NRG1: variants seen among roughly 807,000 people sequenced by gnomAD.
The protein encoded by NRG1 is neuregulin 1.
In NRG1, 18 loss-of-function variants were observed where a neutral mutation model predicts 63.8. The observed-to-expected ratio is 0.28, with a 90% CI of 0.19 to 0.42. The LOEUF is 0.42. Ranked by LOEUF, NRG1 falls within the 10% of genes least tolerant of loss-of-function variation. NRG1 has a pLI of 1.00. For synonymous variants in NRG1, 302 were observed against 301.3 expected (o/e 1.00, Z -0.02); for missense variants, 762 against 814.7 (o/e 0.94, Z 0.79).
At chr8:31,967,118 G>A (rs1266953623) in intron 1 of NRG1, among the ~76,000 whole-genome samples, 1 of 152,110 alleles carries the variant, frequency 6.6e-6, no homozygotes, top group East Asian at 1.9e-4. Flanking sequence ...CCAGGCTGTG[G>A]ATGGCCTTCA....
At chr8:32,191,186 G>A (rs1309668744) in intron 1 of NRG1, among the ~76,000 whole-genome samples, 1 of 151,880 alleles carries the variant, frequency 6.6e-6, no homozygotes, top group Non-Finnish European at 1.5e-5. Context: ...ATGGATTCAA[G>A]AGATTCTTCT....
intron 1 of NRG1, among the ~76,000 whole-genome samples, chr8:31,994,669 A>AAAAT: frequency 6.7e-6 from 1 of 150,372 alleles, no homozygotes; most frequent in Non-Finnish European, 1.5e-5. Context: ...AAAAAAAAAA[A>AAAAT]AAAAAAAAAG....
intron 1 of NRG1, among the ~76,000 whole-genome samples, chr8:31,793,258 A>G (rs1294631852): frequency 6.6e-6 from 1 of 152,206 alleles, no homozygotes; most frequent in Non-Finnish European, 1.5e-5. Context: ...TAGCAGAGTC[A>G]CTTTCATGGA....
intron 1 of NRG1, among the ~76,000 whole-genome samples, chr8:32,422,044 AT>A (rs1816760847): frequency 1.3e-5 from 2 of 152,298 alleles, no homozygotes; most frequent in South Asian, 2.1e-4. Flanking sequence ...TACAGTGTAC[AT>A]TATGTGGATG....
chr8:31,907,787 A>AT (rs1832649513), intron 1 of NRG1, among the ~76,000 whole-genome samples: 1 of 152,080 alleles, frequency 6.6e-6, no homozygotes, highest in African/African-American at 2.4e-5. Flanking sequence ...ATACTCAATA[A>AT]TTTTTTTGAA....
intron 1 of NRG1, among the ~76,000 whole-genome samples, chr8:32,436,699 A>G (rs1211335218): frequency 1.3e-5 from 2 of 152,158 alleles, no homozygotes; most frequent in African/African-American, 4.8e-5. Flanking sequence ...AACTGTGTGC[A>G]TTGGATCCAT....
At chr8:31,854,417 C>A (rs540032616) in intron 1 of NRG1, among the ~76,000 whole-genome samples, 18 of 152,218 alleles carry the variant, frequency 1.2e-4, no homozygotes, top group African/African-American at 3.1e-4. Context: ...TTGTAGTATT[C>A]TCTGATGGTA....
intron 1 of NRG1, among the ~76,000 whole-genome samples, chr8:32,404,096 C>G (rs1813607698): frequency 6.6e-6 from 1 of 152,206 alleles, no homozygotes; most frequent in South Asian, 2.1e-4. Context: ...AAAGAAGGTC[C>G]TGGTCACCTA....
intron 1 of NRG1, among the ~76,000 whole-genome samples, chr8:32,005,342 A>G (rs1039316214): frequency 1.8e-4 from 27 of 152,098 alleles, no homozygotes; most frequent in African/African-American, 5.5e-4. Context: ...AGTGGAAGAC[A>G]TCGTAGAAAT....
At chr8:31,971,124 T>G (rs1172817480) in intron 1 of NRG1, among the ~76,000 whole-genome samples, 10 of 152,156 alleles carry the variant, frequency 6.6e-5, no homozygotes, top group African/African-American at 2.2e-4. Flanking sequence ...TTTTTTTTCT[T>G]AATTGAACTG....
chr8:31,658,878 C>G (rs557888117), intron 1 of NRG1, among the ~76,000 whole-genome samples: 66 of 152,264 alleles, frequency 4.3e-4, no homozygotes, highest in Admixed American at 1.1e-3. Context: ...GAAGATGAAT[C>G]TTGACTACTT....
At chr8:32,555,019 T>A (rs967608620) in intron 1 of NRG1, among the ~76,000 whole-genome samples, 28 of 152,058 alleles carry the variant, frequency 1.8e-4, no homozygotes, top group African/African-American at 6.8e-4. Flanking sequence ...TCAACTGGAG[T>A]TTGTTTTCCA....
rs186125243 is a variant in NRG1 at position 32,371,042 on chromosome 8, T to C, written c.38-224786T>C. ...GCCTGGCCAACATGGTGAAACCCTGTCTCTACTGAAAATACAAAATTTAGC... is the reference window on the plus strand; with the variant it reads ...GCCTGGCCAACATGGTGAAACCCTGCCTCTACTGAAAATACAAAATTTAGC... On this transcript the variant is annotated intron_variant, in intron 1 of 10. Coordinates refer to the NRG1 transcript ENST00000519301. Among the ~76,000 whole-genome samples, 1,451 of 151,732 alleles carry C rather than the reference T, an allele frequency of 9.6e-3. 21 individuals carry two copies. Among genetic ancestry groups the C allele is most frequent in the African/African-American group, 0.028 (1,143 of 41,342 alleles).
intron 1 of NRG1, among the ~76,000 whole-genome samples, chr8:32,408,915 A>G (rs1046197714): frequency 2.6e-5 from 4 of 151,896 alleles, no homozygotes; most frequent in East Asian, 1.9e-4. Context: ...TGAGTCTCCA[A>G]TGTCTATTAT....
chr8:32,206,288 TC>T (rs1294856128), intron 1 of NRG1, among the ~76,000 whole-genome samples: 4 of 152,116 alleles, frequency 2.6e-5, no homozygotes, highest in African/African-American at 9.7e-5. Flanking sequence ...CTGCTGAAGA[TC>T]CTTCAGTACC....
chr8:32,206,331 A>G (rs1844058465), intron 1 of NRG1, among the ~76,000 whole-genome samples: 2 of 152,148 alleles, frequency 1.3e-5, no homozygotes, highest in South Asian at 4.1e-4. Flanking sequence ...CCAAAGTGAA[A>G]GTCATGGAGC....
chr8:32,176,172 T>C (rs1306738301), intron 1 of NRG1, among the ~76,000 whole-genome samples: 1 of 152,110 alleles, frequency 6.6e-6, no homozygotes, highest in Non-Finnish European at 1.5e-5. Flanking sequence ...GAAATAATGC[T>C]GCATATCTAC....
chr8:31,884,922 T>C (rs970174148), intron 1 of NRG1, among the ~76,000 whole-genome samples: 1 of 152,114 alleles, frequency 6.6e-6, no homozygotes, highest in African/African-American at 2.4e-5. Context: ...AAAAAGACTT[T>C]TATGGAGTGA....
chr8:32,091,263 G>A lies in NRG1; in HGVS notation c.37+451832G>A, dbSNP rs187548737. Among the ~76,000 whole-genome samples, 30 of 146,708 alleles carry A rather than the reference G, an allele frequency of 2.0e-4. No homozygotes were observed. The East Asian group carries it at 6.2e-3, about 30-fold the overall frequency. ...ACTGCACTCCAGCCTAGGCGACAGA[G>A]CGAGACTTGGTCTCAAAAAAAAAAA... On this transcript the variant is annotated intron_variant, in intron 1 of 10. Transcript: ENST00000519301.
Sources: allele counts gnomAD v4.1 joint callset (sites outside exome capture counted in the v4.1 genomes callset), GRCh38; gene constraint gnomAD v4.1.1; transcripts MANE v1.5; gene names NCBI Gene and HGNC (gene_info 2026-07-23, HGNC 2026-07-21).